The following ZNF804B variants were observed in gnomAD, a reference collection of about 807,000 sequenced individuals.
The protein encoded by ZNF804B is zinc finger 804B.
ZNF804B carries 80 observed loss-of-function variants against 101.4 expected under a neutral mutation model. That is an observed-to-expected ratio of 0.79 (90% CI 0.66 to 0.95). The LOEUF is 0.95. Among genes scored for constraint, ZNF804B ranks in the 40% least tolerant of loss-of-function variants. ZNF804B has a pLI of 0.00. For synonymous variants in ZNF804B, 622 were observed against 558.8 expected (o/e 1.11, Z -1.59); for missense variants, 1,673 against 1,561.9 (o/e 1.07, Z -1.20).
chr7:89,052,485 A>G (rs1305595592), intron 1 of ZNF804B, among the ~76,000 whole-genome samples: 1 of 152,198 alleles, frequency 6.6e-6, no homozygotes, highest in Non-Finnish European at 1.5e-5. Flanking sequence ...TCATTATTAT[A>G]GATTTTGAAA....
At chr7:88,945,235 G>A (rs1430383292) in intron 1 of ZNF804B, among the ~76,000 whole-genome samples, 3 of 152,046 alleles carry the variant, frequency 2.0e-5, no homozygotes, top group African/African-American at 4.8e-5. Context: ...TTACGTTTAA[G>A]TCTTTAATCC....
chr7:88,851,059 G>A (rs914374440), intron 1 of ZNF804B, among the ~76,000 whole-genome samples: 8 of 151,998 alleles, frequency 5.3e-5, no homozygotes, highest in African/African-American at 1.9e-4. Flanking sequence ...GAAAATATTA[G>A]AGAACTTGGA....
intron 1 of ZNF804B, among the ~76,000 whole-genome samples, chr7:88,760,532 A>G (rs903629830): frequency 1.6e-4 from 24 of 152,344 alleles, no homozygotes; most frequent in African/African-American, 4.3e-4. Flanking sequence ...TTTCCCTCAA[A>G]TCATTGGCAA....
chr7:89,019,113 A>G (rs1788617772), intron 1 of ZNF804B, among the ~76,000 whole-genome samples: 1 of 151,982 alleles, frequency 6.6e-6, no homozygotes, highest in African/African-American at 2.4e-5. Flanking sequence ...TGATGCAGGC[A>G]TTTATTGCTA....
intron 1 of ZNF804B, among the ~76,000 whole-genome samples, chr7:88,810,383 G>A (rs1187006960): frequency 6.6e-6 from 1 of 152,000 alleles, no homozygotes; most frequent in East Asian, 1.9e-4. Context: ...GCTGAGCCCA[G>A]GGCCTCATGC....
intron 1 of ZNF804B, among the ~76,000 whole-genome samples, chr7:89,181,121 G>A (rs924149505): frequency 6.6e-6 from 1 of 151,934 alleles, no homozygotes; most frequent in Admixed American, 6.6e-5. Context: ...GAAGGAAAGA[G>A]TCTCTTCCTA....
chr7:89,035,892 ATAT>A (rs1471223250), intron 1 of ZNF804B, among the ~76,000 whole-genome samples: 1 of 145,512 alleles, frequency 6.9e-6, no homozygotes, highest in Non-Finnish European at 1.5e-5. Context: ...CATATACATT[ATAT>A]TATTATATAT....
intron 1 of ZNF804B, among the ~76,000 whole-genome samples, chr7:89,189,478 TG>T (rs1308197309): frequency 6.6e-6 from 1 of 152,096 alleles, no homozygotes; most frequent in African/African-American, 2.4e-5. Flanking sequence ...ATTTGGCCTT[TG>T]TTACAAGCAG....
At chr7:89,086,567 G>A (rs1789804869) in intron 1 of ZNF804B, among the ~76,000 whole-genome samples, 3 of 151,914 alleles carry the variant, frequency 2.0e-5, no homozygotes, top group Admixed American at 2.0e-4. Flanking sequence ...GTGGGAAAGA[G>A]ACAAGATAGA....
intron 2 of ZNF804B, among the ~76,000 whole-genome samples, chr7:89,232,147 C>T (rs1418322929): frequency 2.6e-5 from 4 of 151,976 alleles, no homozygotes; most frequent in Admixed American, 6.6e-5. Flanking sequence ...AACGGGCTTC[C>T]GTTTAGCCAG....
At chr7:88,878,151 A>C (rs1051830980) in intron 1 of ZNF804B, among the ~76,000 whole-genome samples, 2 of 152,162 alleles carry the variant, frequency 1.3e-5, no homozygotes, top group Non-Finnish European at 2.9e-5. Context: ...CATTATTCTC[A>C]TTTGAACTTA....
chr7:89,153,276 A>C (rs12531998), intron 1 of ZNF804B, among the ~76,000 whole-genome samples: 26,213 of 151,284 alleles, frequency 0.17, 2,467 homozygotes, highest in African/African-American at 0.24. Context: ...AAAGAAGAAG[A>C]AGCTATCAAT....
intron 1 of ZNF804B, among the ~76,000 whole-genome samples, chr7:89,011,272 G>A (rs956113079): frequency 6.6e-6 from 1 of 152,118 alleles, no homozygotes; most frequent in African/African-American, 2.4e-5. Context: ...TCCTGCCCTT[G>A]ACACATGGGA....
intron 1 of ZNF804B, among the ~76,000 whole-genome samples, chr7:88,973,559 C>CT (rs34826320): frequency 6.0e-4 from 88 of 147,784 alleles, no homozygotes; most frequent in South Asian, 8.5e-4. Context: ...GAAGTATAAT[C>CT]TTTTTTTTTT....
At chr7:88,770,659 G>T (rs2115630405) in intron 1 of ZNF804B, among the ~76,000 whole-genome samples, 1 of 152,262 alleles carries the variant, frequency 6.6e-6, no homozygotes, top group African/African-American at 2.4e-5. Flanking sequence ...CTTCTCCTGT[G>T]AGATGAGTGA....
In ZNF804B at chr7:89,333,846, G is replaced by GGT; in HGVS notation, c.865_866insTG (p.Glu289ValfsTer11). Reference sequence around the variant, plus strand: ...AGGTAAATATCTCACCAAGCCATCTGGAAAGTGTTTTACACAATACCATCT... The same window carrying GGT: ...AGGTAAATATCTCACCAAGCCATCTGGTGAAAGTGTTTTACACAATACCATCT... On this transcript the variant is annotated frameshift_variant, in exon 4 of 4. Transcript: ENST00000333190. LOFTEE classifies it high-confidence loss of function. 1.2e-6 allele frequency: 2 copies of GGT among 1,610,996 alleles called. No individual in the cohort carries two copies. The highest frequency in any genetic ancestry group is 1.7e-6 in the Non-Finnish European group (2 of 1,178,544).
intron 2 of ZNF804B, among the ~76,000 whole-genome samples, chr7:89,295,276 A>G (rs1318166763): frequency 1.3e-5 from 2 of 152,126 alleles, no homozygotes; most frequent in African/African-American, 4.8e-5. Context: ...GTAGGAGAAA[A>G]TATCACTGCT....
intron 1 of ZNF804B, among the ~76,000 whole-genome samples, chr7:89,163,481 C>A (rs1791097862): frequency 6.6e-6 from 1 of 151,990 alleles, no homozygotes; most frequent in Admixed American, 6.6e-5. Flanking sequence ...ATTAAAGAAT[C>A]AGCCAAATGC....
rs747663883 is a variant in ZNF804B, at chr7:89,335,844, A to G, written c.2862A>G (p.Glu954=). The change falls in exon 4 of 4, where the codon GAA becomes GAG. Residue 954 remains glutamate, a synonymous_variant. Coordinates refer to ENST00000333190, the MANE Select transcript of ZNF804B (RefSeq NM_181646.5). ...VEISSNSCKS[E]LEAPSQVPCT... is the part of the protein sequence containing the mutation. ...TCTCTTCAAACAGTTGTAAAAGTGA[A>G]TTAGAGGCTCCTTCGCAAGTCCCAT... 4 of 1,614,102 alleles carry G rather than the reference A, an allele frequency of 2.5e-6. No individual in the cohort carries two copies. The South Asian group carries it at 4.4e-5, about 18-fold the overall frequency.
Sources: allele counts gnomAD v4.1 joint callset (sites outside exome capture counted in the v4.1 genomes callset), GRCh38; gene constraint gnomAD v4.1.1; transcripts MANE v1.5; gene names NCBI Gene and HGNC (gene_info 2026-07-23, HGNC 2026-07-21).